Variants in PLXDC2 observed in about 807,000 individuals in gnomAD.
PLXDC2 encodes the protein plexin domain containing 2, also known as plexin domain-containing protein 2.
A neutral mutation model predicts 68.9 loss-of-function variants in PLXDC2; 40 were observed. That is an observed-to-expected ratio of 0.58 (90% CI 0.45 to 0.76). PLXDC2 has a LOEUF of 0.76. Among genes scored for constraint, PLXDC2 ranks in the 30% least tolerant of loss-of-function variants. The pLI is 0.00. For missense variants in PLXDC2, 644 were observed against 661.9 expected, an observed-to-expected ratio of 0.97 and a Z score of 0.30; for synonymous variants, 243 against 234.2, an observed-to-expected ratio of 1.04 and a Z score of -0.34.
intron 1 of PLXDC2, among the ~76,000 whole-genome samples, chr10:19,960,781 C>T (rs144953975): frequency 7.6e-4 from 116 of 152,228 alleles, no homozygotes; most frequent in African/African-American, 2.6e-3. Context: ...CATATTAAAA[C>T]ATGAAAGCGA....
At chr10:19,856,564 T>C (rs1044903765) in intron 1 of PLXDC2, among the ~76,000 whole-genome samples, 1 of 152,168 alleles carries the variant, frequency 6.6e-6, no homozygotes, top group Non-Finnish European at 1.5e-5. Flanking sequence ...CATTAGTCAA[T>C]CACTGTAAGC....
At chr10:20,030,194 C>CA (rs1835476199) in intron 2 of PLXDC2, among the ~76,000 whole-genome samples, 1 of 64,496 alleles carries the variant, frequency 1.6e-5, no homozygotes, top group South Asian at 4.2e-4. Flanking sequence ...GGCTCAGGAA[C>CA]AAAACAAACA....
intron 1 of PLXDC2, among the ~76,000 whole-genome samples, chr10:19,952,416 G>A (rs981029853): frequency 1.4e-4 from 21 of 152,216 alleles, no homozygotes; most frequent in African/African-American, 2.9e-4. Context: ...AAAATCAACC[G>A]TCTAAATTCA....
chr10:19,967,156 C>CT (rs1317460337), intron 1 of PLXDC2, among the ~76,000 whole-genome samples: 8 of 152,184 alleles, frequency 5.3e-5, no homozygotes, highest in African/African-American at 1.9e-4. Flanking sequence ...AACATACATG[C>CT]TTTGGTACAG....
intron 2 of PLXDC2, among the ~76,000 whole-genome samples, chr10:20,016,342 T>C (rs988969342): frequency 1.3e-5 from 2 of 152,198 alleles, no homozygotes; most frequent in Non-Finnish European, 2.9e-5. Context: ...TCATTTGTGG[T>C]TTGGACTGGA....
chr10:20,148,188 T>C (rs1298145394), intron 6 of PLXDC2, among the ~76,000 whole-genome samples: 1 of 152,102 alleles, frequency 6.6e-6, no homozygotes, highest in African/African-American at 2.4e-5. Context: ...GTGAAATGTC[T>C]CTAAGAAAAA....
At chr10:20,181,055 C>G (rs1240021935) in intron 9 of PLXDC2, among the ~76,000 whole-genome samples, 3 of 151,822 alleles carry the variant, frequency 2.0e-5, no homozygotes, top group African/African-American at 4.8e-5. Context: ...AGAGTTTAAG[C>G]AAATAGATAT....
rs141416532 is a variant in PLXDC2, at chr10:20,236,708, A to C, written c.1313-8637A>C. The stretch of plus-strand genomic sequence containing the variant: ...AATACCATAAACCTTCTCTTTTTTC[A>C]ATTTTTTTCTTAAAGACAGGGTCTT... On this transcript the variant is annotated intron_variant, in intron 12 of 13. Coordinates refer to ENST00000377252, the MANE Select transcript of PLXDC2 (RefSeq NM_032812.9). Among the ~76,000 whole-genome samples the C allele has an allele frequency of 4.5e-3, 691 of 151,902 alleles. 6 individuals are homozygous for C. Among genetic ancestry groups the C allele is most frequent in the African/African-American group, 0.016 (647 of 41,430 alleles).
At chr10:19,930,758 T>A (rs1833614374) in intron 1 of PLXDC2, among the ~76,000 whole-genome samples, 1 of 151,148 alleles carries the variant, frequency 6.6e-6, no homozygotes, top group Non-Finnish European at 1.5e-5. Flanking sequence ...AGGTTGGGAG[T>A]TCAAGGCCAG....
intron 4 of PLXDC2, among the ~76,000 whole-genome samples, chr10:20,102,780 A>G (rs1833439693): frequency 6.6e-6 from 1 of 152,210 alleles, no homozygotes; most frequent in Admixed American, 6.5e-5. Context: ...AAGATCTTTG[A>G]GTATAATGTC....
At chr10:19,966,794 C>T (rs887010257) in intron 1 of PLXDC2, among the ~76,000 whole-genome samples, 2 of 135,710 alleles carry the variant, frequency 1.5e-5, no homozygotes, top group African/African-American at 2.6e-5. Context: ...GGGAAGAGAA[C>T]GGTTCGCGTT....
intron 4 of PLXDC2, among the ~76,000 whole-genome samples, chr10:20,138,665 C>G (rs1030688372): frequency 6.6e-6 from 1 of 152,160 alleles, no homozygotes; most frequent in Non-Finnish European, 1.5e-5. Context: ...GTAATCCCAG[C>G]ACTTTGGGAG....
chr10:19,893,852 T>G (rs558233241), intron 1 of PLXDC2, among the ~76,000 whole-genome samples: 1 of 152,236 alleles, frequency 6.6e-6, no homozygotes, highest in South Asian at 2.1e-4. Flanking sequence ...GTTTCCTTTC[T>G]GGAAACCTCA....
At chr10:19,922,649 CAAG>C (rs766502977) in intron 1 of PLXDC2, among the ~76,000 whole-genome samples, 27 of 152,050 alleles carry the variant, frequency 1.8e-4, no homozygotes, top group Non-Finnish European at 3.4e-4. Flanking sequence ...GTATGGAACT[CAAG>C]AAGAAGGGAT....
intron 4 of PLXDC2, among the ~76,000 whole-genome samples, chr10:20,129,505 G>T (rs999452121): frequency 3.4e-5 from 4 of 116,246 alleles, no homozygotes; most frequent in African/African-American, 1.1e-4. Flanking sequence ...TGTTTTAGGG[G>T]TCATCCCATA....
chr10:20,274,930 G>T (rs1429061403), intron 13 of PLXDC2, among the ~76,000 whole-genome samples: 2 of 150,594 alleles, frequency 1.3e-5, no homozygotes, highest in Non-Finnish European at 2.9e-5. Context: ...TTAATGACTT[G>T]TTTGTTTGAA....
chr10:20,022,415 G>A (rs897152819), intron 2 of PLXDC2, among the ~76,000 whole-genome samples: 1 of 152,126 alleles, frequency 6.6e-6, no homozygotes, highest in African/African-American at 2.4e-5. Context: ...GGTGACAAAG[G>A]CCTTCTAAGA....
chr10:19,921,554 C>T (rs184532058), intron 1 of PLXDC2, among the ~76,000 whole-genome samples: 2 of 152,208 alleles, frequency 1.3e-5, no homozygotes, highest in Non-Finnish European at 2.9e-5. Flanking sequence ...TGCATCATTA[C>T]GTAACCAGAC....
intron 1 of PLXDC2, among the ~76,000 whole-genome samples, chr10:19,969,125 T>C (rs993206467): frequency 6.6e-6 from 1 of 152,216 alleles, no homozygotes; most frequent in Admixed American, 6.5e-5. Flanking sequence ...TAAGTTACAA[T>C]ATGCTAGCCA....
Sources: gnomAD v4.1 joint callset for allele counts (sites outside exome capture counted in the v4.1 genomes callset) on GRCh38, gnomAD v4.1.1 for gene constraint, MANE v1.5 for transcripts, NCBI Gene and HGNC (gene_info 2026-07-23, HGNC 2026-07-21) for gene names.